The following LRCH2 variants were observed in gnomAD, a reference collection of about 807,000 sequenced individuals.
The protein encoded by LRCH2 is leucine rich repeats and calponin homology domain containing 2.
A neutral mutation model predicts 68.9 loss-of-function variants in LRCH2; 38 were observed. That is an observed-to-expected ratio of 0.55 (90% CI 0.43 to 0.72). The LOEUF is 0.72. LRCH2 is among the 30% of genes least tolerant of loss of function. The probability of loss-of-function intolerance (pLI) is 0.00; values close to 1 mark genes in which losing one functional copy is unlikely to be tolerated. For missense variants in LRCH2, 528 were observed against 572.9 expected, an observed-to-expected ratio of 0.92 and a Z score of 0.80; for synonymous variants, 191 against 208.1, an observed-to-expected ratio of 0.92 and a Z score of 0.71.
chrX:115,180,253 A>C (rs1256204419), intron 3 of LRCH2, among the ~76,000 whole-genome samples: 2 of 111,170 alleles, frequency 1.8e-5, no homozygotes, highest in Admixed American at 9.7e-5. Context: ...AAGGGATACA[A>C]AATGAGAAGT....
intron 6 of LRCH2, among the ~76,000 whole-genome samples, chrX:115,169,044 G>T (rs1422963219): frequency 3.6e-5 from 4 of 111,981 alleles, no homozygotes; most frequent in Non-Finnish European, 7.5e-5. Context: ...TAAGGCCATG[G>T]CAATGTCATT....
chrX:115,122,677 T>C (rs1470984279), intron 19 of LRCH2, 73 bp from the exon 20 acceptor site: 1 of 1,161,440 alleles, frequency 8.6e-7, no homozygotes, highest in Admixed American at 2.4e-5. Context: ...GAAAACTAAG[T>C]TCACTGAGGT....
chrX:115,228,555 T>G, intron 1 of LRCH2, among the ~76,000 whole-genome samples: 1 of 111,245 alleles, frequency 9.0e-6, no homozygotes, highest in Non-Finnish European at 1.9e-5. Flanking sequence ...GCAAATCAAT[T>G]TTGTAAGTCT....
rs1556558641 is a variant in LRCH2 at position 115,191,060 on chromosome X, G to T, written c.350-2690C>A. 4.3e-6 allele frequency: 5 copies of T among 1,165,109 alleles called. No homozygotes were observed. In the South Asian group the frequency reaches 7.6e-5, roughly 18 times the overall value. On this transcript the variant is annotated intron_variant, in intron 1 of 20. Transcript: ENST00000317135. The stretch of plus-strand genomic sequence containing the variant: ...GGGGGCCACAGCAGTTCCAGCAACA[G>T]TTACGGCCAGAGCCACCGCTATGGA...
intron 1 of LRCH2, among the ~76,000 whole-genome samples, chrX:115,212,948 G>A (rs1247283734): frequency 9.2e-6 from 1 of 108,208 alleles, no homozygotes; most frequent in South Asian, 4.3e-4. Flanking sequence ...TCCAGCCTGG[G>A]AGACAGAGCA....
intron 19 of LRCH2, 62 bp from the exon 20 acceptor site, chrX:115,122,666 T>C: frequency 8.5e-7 from 1 of 1,175,192 alleles, no homozygotes; most frequent in Non-Finnish European, 1.2e-6. Flanking sequence ...TAATCAAAAC[T>C]GAAAACTAAG....
At position 115,195,819 on chromosome X, in the gene LRCH2, A is replaced by C; in HGVS notation, c.350-7449T>G. ...AGGCCACAGCAGAGCACCCTGACCC[A>C]CCCAAATCCTGAATCTGATTTAGGG... On this transcript the variant is annotated intron_variant, in intron 1 of 20. Transcript: ENST00000317135. Among the ~76,000 whole-genome samples, 3 of 111,696 alleles carry C rather than the reference A, an allele frequency of 2.7e-5. 1 individual carries two copies. In the Middle Eastern group the frequency reaches 0.014, roughly 522 times the overall value.
intron 1 of LRCH2, among the ~76,000 whole-genome samples, chrX:115,199,551 G>A (rs1556565318): frequency 8.9e-6 from 1 of 111,828 alleles, no homozygotes; most frequent in Admixed American, 9.5e-5. Flanking sequence ...GGTTAAAAAA[G>A]ACAAAGAACT....
Position 115,125,607 on chromosome X carries a change from G to GTATA in LRCH2, c.1791+1232_1791+1235dup, listed in dbSNP as rs200758748. 8.7e-4 allele frequency among the ~76,000 whole-genome samples: 16 copies of GTATA among 18,497 alleles called. 6 individuals carry two copies. Among genetic ancestry groups the GTATA allele is most frequent in the South Asian group, 1.9e-3 (1 of 534 alleles). The allele number at this position is 18,497 out of a possible 115,157, so 16.1% of individuals were successfully genotyped here. A position where few individuals can be genotyped will look rare whatever the true frequency, so the allele number is the denominator to read the frequency against. Reference sequence around the variant, plus strand: ...CATATATATATACACATATATATACGTATATATATATGTATATATATACAT... The same window carrying GTATA: ...CATATATATATACACATATATATACGTATATATATATATATGTATATATATACAT... On this transcript the variant is annotated intron_variant, in intron 16 of 20. Transcript: ENST00000317135.
At chrX:115,134,948 A>C (rs1184377945) in intron 14 of LRCH2, among the ~76,000 whole-genome samples, 1 of 111,102 alleles carries the variant, frequency 9.0e-6, no homozygotes. Flanking sequence ...GAACATTTAT[A>C]ATTCATGAGA....
rs369010461 is a variant in LRCH2, at chrX:115,123,183, C to A, written c.1859G>T (p.Arg620Leu). The A allele has an allele frequency of 8.3e-6, 10 of 1,197,788 alleles. No homozygotes were observed. In the South Asian group the frequency reaches 1.8e-4, roughly 22 times the overall value. Residue 620 changes from arginine to leucine, a missense_variant, in exon 18 of 21, where the codon CGC (arginine) becomes CTC (leucine). Physicochemically the swap from Arg to Leu is moderately radical, Grantham distance 102. Transcript: ENST00000317135. ...TGCCCCATATTCTTGGCGAGATGAGCGGCTAAAAGCTATAAAAACAGAAAT... is the reference window on the plus strand; with the variant it reads ...TGCCCCATATTCTTGGCGAGATGAGAGGCTAAAAGCTATAAAAACAGAAAT... ...FGLKPRSAFSRSSRQEYGAAD... is the reference protein window; with the variant it reads ...FGLKPRSAFSLSSRQEYGAAD...
chrX:115,127,001 C>G, intron 15 of LRCH2, 108 bp from the exon 16 acceptor site: 1 of 449,851 alleles, frequency 2.2e-6, no homozygotes, highest in South Asian at 4.9e-5. Flanking sequence ...AAAGGAAGAC[C>G]TACTAAAGAT....
intron 14 of LRCH2, among the ~76,000 whole-genome samples, chrX:115,137,629 C>T (rs782115043): frequency 1.8e-5 from 2 of 111,325 alleles, no homozygotes; most frequent in East Asian, 2.9e-4. Context: ...TAAAATCTAG[C>T]GAGGGGCTAT....
chrX:115,150,031 G>A lies in LRCH2; in HGVS notation c.1569C>T (p.Leu523=). 1 of 1,171,404 alleles carries A rather than the reference G, an allele frequency of 8.5e-7. No homozygotes were observed. The highest frequency in any genetic ancestry group is 3.2e-5 in the East Asian group (1 of 31,740). Residue 523 remains leucine, a synonymous_variant, in exon 13 of 21, where the codon CTC becomes CTT. Transcript: ENST00000317135. ...ADEVNSPLSP[L]TWQPLENQKD... Reference sequence around the variant, plus strand: ...TTTAATTTCTTCTTACCTGCCAGGTGAGGGGTGATAATGGTGAATTAACTT... The same window carrying A: ...TTTAATTTCTTCTTACCTGCCAGGTAAGGGGTGATAATGGTGAATTAACTT...
At chrX:115,127,191 C>T (rs956802702) in intron 15 of LRCH2, among the ~76,000 whole-genome samples, 2 of 111,381 alleles carry the variant, frequency 1.8e-5, no homozygotes, top group African/African-American at 3.3e-5. Context: ...ATACTATCTA[C>T]ATATAATAGC....
chrX:115,136,953 G>A (rs1272920287), intron 14 of LRCH2, among the ~76,000 whole-genome samples: 2 of 111,806 alleles, frequency 1.8e-5, no homozygotes, highest in Admixed American at 1.9e-4. Context: ...ATATTTATCA[G>A]GTACTTGTGA....
At chrX:115,223,278 G>A (rs1465311357) in intron 1 of LRCH2, among the ~76,000 whole-genome samples, 1 of 111,550 alleles carries the variant, frequency 9.0e-6, no homozygotes, top group Non-Finnish European at 1.9e-5. Flanking sequence ...CCCTGGGTTA[G>A]GCAATGCTTC....
chrX:115,137,594 G>C (rs1556532470), intron 14 of LRCH2, among the ~76,000 whole-genome samples: 1 of 110,927 alleles, frequency 9.0e-6, no homozygotes, highest in Admixed American at 9.6e-5. Context: ...TGCTACACTG[G>C]ATTTTGCCAT....
chrX:115,233,512 C>T (rs186270091), intron 1 of LRCH2, among the ~76,000 whole-genome samples, 181 bp downstream of exon 1: 276 of 111,915 alleles, frequency 2.5e-3, no homozygotes, highest in African/African-American at 8.2e-3. Context: ...CAGCATTCCT[C>T]CCCTCCCCTA....
Sources: allele counts gnomAD v4.1 joint callset (sites outside exome capture counted in the v4.1 genomes callset), GRCh38; gene constraint gnomAD v4.1.1; transcripts MANE v1.5; gene names NCBI Gene and HGNC (gene_info 2026-07-23, HGNC 2026-07-21).